The following TENT4B variants were observed in gnomAD, a reference collection of about 807,000 sequenced individuals.
TENT4B encodes PAP associated domain containing 5.
In TENT4B, 10 loss-of-function variants were observed where a neutral mutation model predicts 75.0. That is an observed-to-expected ratio of 0.13 (90% confidence interval 0.08 to 0.23). The LOEUF is 0.23. TENT4B is among the 10% of genes least tolerant of loss of function. TENT4B has a pLI of 1.00. For synonymous variants in TENT4B, 350 were observed against 357.7 expected, an observed-to-expected ratio of 0.98 and a Z score of 0.24; for missense variants, 579 against 893.8, an observed-to-expected ratio of 0.65 and a Z score of 4.49.
chr16:50,213,129 A>G (rs1275955305), intron 2 of TENT4B, among the ~76,000 whole-genome samples: 1 of 151,646 alleles, frequency 6.6e-6, no homozygotes, highest in African/African-American at 2.4e-5. Flanking sequence ...ACATGATCTC[A>G]GCTCACTGCA....
chr16:50,214,515 G>T (rs1271062120), intron 3 of TENT4B, among the ~76,000 whole-genome samples: 1 of 152,080 alleles, frequency 6.6e-6, no homozygotes, highest in African/African-American at 2.4e-5. Context: ...AATTAGCCAG[G>T]CGTAGCAGTG....
intron 1 of TENT4B, among the ~76,000 whole-genome samples, chr16:50,202,846 T>C (rs905255148): frequency 6.6e-6 from 1 of 152,170 alleles, no homozygotes; most frequent in African/African-American, 2.4e-5. Flanking sequence ...CATTATCTCT[T>C]TTCATAGCAG....
At chr16:50,156,563 C>T (rs573835645) in intron 1 of TENT4B, among the ~76,000 whole-genome samples, 1 of 152,152 alleles carries the variant, frequency 6.6e-6, no homozygotes, top group Non-Finnish European at 1.5e-5. Flanking sequence ...AGGCTGGTCT[C>T]GAACTCCTGA....
At chr16:50,187,190 G>A (rs2150704229) in intron 1 of TENT4B, among the ~76,000 whole-genome samples, 1 of 152,326 alleles carries the variant, frequency 6.6e-6, no homozygotes, top group East Asian at 1.9e-4. Flanking sequence ...GTGTCATGAA[G>A]CTTTCCCTCA....
chr16:50,159,625 T>C (rs2037966544), intron 1 of TENT4B, among the ~76,000 whole-genome samples: 1 of 152,184 alleles, frequency 6.6e-6, no homozygotes, highest in East Asian at 1.9e-4. Flanking sequence ...TAAAGTAGAT[T>C]GAATATGAAA....
intron 1 of TENT4B, among the ~76,000 whole-genome samples, chr16:50,184,644 G>T (rs1173909709): frequency 6.6e-6 from 1 of 152,076 alleles, no homozygotes; most frequent in Non-Finnish European, 1.5e-5. Context: ...TCCAGCCTGG[G>T]CGACAGAGCG....
At position 50,234,163 on chromosome 16, in the gene TENT4B, A is replaced by C; in HGVS notation, c.*4835A>C. 5.1e-6 allele frequency: 5 copies of C among 985,514 alleles called. No homozygotes were observed. Among genetic ancestry groups the C allele is most frequent in the Non-Finnish European group, 6.0e-6 (5 of 829,974 alleles). The allele number at this position is 985,514 out of a possible 1,614,324, so 61.0% of individuals were successfully genotyped here. ...CCAGTGAGAAACTATGAAGTAAACA[A>C]GTTGCTCAGGCCGGGCATGGTGGCT... On this transcript the variant is annotated 3_prime_UTR_variant, in exon 12 of 12. Transcript: ENST00000561678.
intron 1 of TENT4B, among the ~76,000 whole-genome samples, chr16:50,163,292 GT>G (rs2150671305): frequency 6.6e-6 from 1 of 151,868 alleles, no homozygotes; most frequent in African/African-American, 2.4e-5. Context: ...TAGTGTCCTT[GT>G]TCTTTGAAGT....
chr16:50,182,844 A>G (rs192865765), intron 1 of TENT4B, among the ~76,000 whole-genome samples: 8 of 147,270 alleles, frequency 5.4e-5, no homozygotes, highest in Non-Finnish European at 1.2e-4. Flanking sequence ...GAATGAGGAA[A>G]ACTTTTAACA....
intron 5 of TENT4B, 32 bp from the exon 6 acceptor site, chr16:50,222,274 G>A (rs765477786): frequency 6.5e-7 from 1 of 1,547,770 alleles, no homozygotes; most frequent in Non-Finnish European, 8.8e-7. Context: ...GCTGATACAG[G>A]AATTCATTGA....
At chr16:50,174,447 T>G (rs1372245632) in intron 1 of TENT4B, among the ~76,000 whole-genome samples, 2 of 152,228 alleles carry the variant, frequency 1.3e-5, no homozygotes, top group African/African-American at 4.8e-5. Flanking sequence ...TTTGATTCTT[T>G]TAAAATTAAT....
chr16:50,185,607 A>G (rs1393009349), intron 1 of TENT4B, among the ~76,000 whole-genome samples: 2 of 152,198 alleles, frequency 1.3e-5, no homozygotes, highest in Non-Finnish European at 2.9e-5. Context: ...TAGTGATTTC[A>G]GAGTTTGTTT....
At chr16:50,165,020 C>CTCCA (rs1274013230) in intron 1 of TENT4B, among the ~76,000 whole-genome samples, 1 of 151,790 alleles carries the variant, frequency 6.6e-6, no homozygotes, top group Non-Finnish European at 1.5e-5. Context: ...TGCCACTGCA[C>CTCCA]TCCAGCCTGG....
intron 1 of TENT4B, among the ~76,000 whole-genome samples, chr16:50,155,545 G>A (rs538749825): frequency 6.6e-6 from 1 of 152,180 alleles, no homozygotes; most frequent in East Asian, 1.9e-4. Context: ...CAGTGGGCTG[G>A]TGTCTGCTCT....
At chr16:50,187,084 TG>T (rs1359161778) in intron 1 of TENT4B, among the ~76,000 whole-genome samples, 1 of 152,158 alleles carries the variant, frequency 6.6e-6, no homozygotes, top group Non-Finnish European at 1.5e-5. Context: ...TAGTGTCCTT[TG>T]ATGCACAAAA....
At chr16:50,167,699 C>T (rs1458939461) in intron 1 of TENT4B, among the ~76,000 whole-genome samples, 1 of 150,774 alleles carries the variant, frequency 6.6e-6, no homozygotes, top group East Asian at 1.9e-4. Context: ...GCTCTGTCGC[C>T]CAGGCTGGAG....
At chr16:50,218,432 G>T (rs973150454) in intron 5 of TENT4B, among the ~76,000 whole-genome samples, 4 of 152,058 alleles carry the variant, frequency 2.6e-5, no homozygotes, top group African/African-American at 9.7e-5. Flanking sequence ...CGCCTCCCGG[G>T]TTCAAGCAAT....
chr16:50,167,397 TACTTTC>T, intron 1 of TENT4B, among the ~76,000 whole-genome samples: 1 of 151,382 alleles, frequency 6.6e-6, no homozygotes. Flanking sequence ...TTTTTTTTTT[TACTTTC>T]TTTTAGGTTT....
chr16:50,209,168 C>T (rs934190444), intron 1 of TENT4B, among the ~76,000 whole-genome samples: 2 of 152,012 alleles, frequency 1.3e-5, no homozygotes, highest in African/African-American at 2.4e-5. Context: ...GGAGATTTTT[C>T]CCCCCCATTG....
Sources: allele counts gnomAD v4.1 joint callset (sites outside exome capture counted in the v4.1 genomes callset), GRCh38; gene constraint gnomAD v4.1.1; transcripts MANE v1.5; gene names NCBI Gene and HGNC (gene_info 2026-07-23, HGNC 2026-07-21).